The following PAPPA2 variants were observed in gnomAD, a reference collection of about 807,000 sequenced individuals.
PAPPA2 encodes the protein pappalysin-2.
In PAPPA2, 86 loss-of-function variants were observed where a neutral mutation model predicts 176.4. That is an observed-to-expected ratio of 0.49 (90% CI 0.41 to 0.58). The LOEUF (loss-of-function observed/expected upper bound fraction) is 0.58. Ranked by LOEUF, PAPPA2 falls within the 20% of genes least tolerant of loss-of-function variation. PAPPA2 has a pLI of 0.00. For synonymous variants in PAPPA2, 809 were observed against 852.2 expected, an observed-to-expected ratio of 0.95 and a Z score of 0.88; for missense variants, 2,073 against 2,256.9, an observed-to-expected ratio of 0.92 and a Z score of 1.65.
intron 14 of PAPPA2, among the ~76,000 whole-genome samples, chr1:176,753,554 CTTTTTT>C (rs77817405): frequency 9.5e-5 from 7 of 73,512 alleles, no homozygotes; most frequent in Middle Eastern, 8.8e-3. Flanking sequence ...AAGGCTCCTC[CTTTTTT>C]TTTTTTTTTT....
At chr1:176,718,732 T>A (rs1267416850) in intron 12 of PAPPA2, among the ~76,000 whole-genome samples, 1 of 151,338 alleles carries the variant, frequency 6.6e-6, no homozygotes, top group East Asian at 1.9e-4. Flanking sequence ...ATAGCTAGAG[T>A]CTTCTGTGGT....
intron 14 of PAPPA2, among the ~76,000 whole-genome samples, chr1:176,757,065 C>T (rs948349427): frequency 2.6e-5 from 4 of 152,200 alleles, no homozygotes; most frequent in African/African-American, 9.7e-5. Flanking sequence ...GCATAGTATT[C>T]CATGGTGTAT....
At chr1:176,501,641 G>A (rs1647969067) in intron 1 of PAPPA2, among the ~76,000 whole-genome samples, 2 of 152,308 alleles carry the variant, frequency 1.3e-5, no homozygotes, top group South Asian at 2.1e-4. Flanking sequence ...GGTTATGTCA[G>A]TGCAAATGGT....
At chr1:176,569,923 C>G (rs1652219266) in intron 2 of PAPPA2, among the ~76,000 whole-genome samples, 1 of 152,198 alleles carries the variant, frequency 6.6e-6, no homozygotes, top group African/African-American at 2.4e-5. Flanking sequence ...TCTACCTCAA[C>G]TCCCCCTTCC....
intron 21 of PAPPA2, among the ~76,000 whole-genome samples, chr1:176,829,403 C>T (rs1408401495): frequency 1.3e-5 from 2 of 152,210 alleles, no homozygotes; most frequent in African/African-American, 4.8e-5. Flanking sequence ...CTTCCACAGG[C>T]GGGCTCAGGG....
In PAPPA2 at chr1:176,692,207, C is replaced by T; in HGVS notation, c.2513C>T (p.Thr838Ile). The change falls in exon 6 of 23, where the codon ACT becomes ATT. Residue 838 changes from threonine to isoleucine, a missense_variant. Thr to Ile is a moderately conservative substitution (Grantham distance 89). This residue lies in a region of PAPPA2 where 1,196 missense variants were observed against 1,330.4 expected (regional missense o/e 0.90). Coordinates refer to ENST00000367662, the MANE Select transcript of PAPPA2 (RefSeq NM_020318.3). ...TTGGACCTAGTCTATCAGCAGTGGA[C>T]TGAAAGCAGAAAGCCCACCCCCATC... Reference protein sequence around the residue: ...CYLDLVYQQWTESRKPTPIPI... With the variant: ...CYLDLVYQQWIESRKPTPIPI... 6.2e-7 allele frequency: 1 copy of T among 1,614,076 alleles called. No individual in the cohort carries two copies. Among genetic ancestry groups the T allele is most frequent in the Non-Finnish European group, 8.5e-7 (1 of 1,179,942 alleles).
chr1:176,825,162 T>C (rs1666809370), intron 21 of PAPPA2, among the ~76,000 whole-genome samples: 1 of 152,238 alleles, frequency 6.6e-6, no homozygotes. Flanking sequence ...GGAAGTTCTT[T>C]GGATTGATCC....
intron 1 of PAPPA2, among the ~76,000 whole-genome samples, chr1:176,464,589 T>A (rs1343446282): frequency 6.6e-6 from 1 of 152,184 alleles, no homozygotes; most frequent in East Asian, 1.9e-4. Context: ...ATATTGGGTG[T>A]TGAGGATACA....
At chr1:176,678,593 T>C (rs1659425680) in intron 4 of PAPPA2, among the ~76,000 whole-genome samples, 1 of 152,130 alleles carries the variant, frequency 6.6e-6, no homozygotes, top group Admixed American at 6.6e-5. Flanking sequence ...TTACTATCTG[T>C]TTCTGGAAAA....
At chr1:176,502,779 T>A (rs1648037754) in intron 1 of PAPPA2, among the ~76,000 whole-genome samples, 2 of 152,176 alleles carry the variant, frequency 1.3e-5, no homozygotes, top group Non-Finnish European at 2.9e-5. Context: ...AAGTTACTTG[T>A]GTGTCTTGAT....
intron 3 of PAPPA2, among the ~76,000 whole-genome samples, chr1:176,599,750 A>G (rs937023299): frequency 1.3e-5 from 2 of 151,806 alleles, no homozygotes; most frequent in African/African-American, 4.8e-5. Flanking sequence ...TTTTAAATTC[A>G]TGACTATCAT....
chr1:176,735,132 C>A (rs950032621), intron 12 of PAPPA2, among the ~76,000 whole-genome samples: 18 of 152,032 alleles, frequency 1.2e-4, no homozygotes, highest in Non-Finnish European at 2.4e-4. Context: ...TCCTTTATAT[C>A]TTGAGGCTAC....
intron 21 of PAPPA2, among the ~76,000 whole-genome samples, chr1:176,823,579 A>T (rs919626712): frequency 2.0e-5 from 3 of 152,250 alleles, no homozygotes; most frequent in Admixed American, 1.3e-4. Flanking sequence ...TAAGTCTGGT[A>T]TAACTCTCTA....
At chr1:176,494,954 A>G (rs1647517562) in intron 1 of PAPPA2, among the ~76,000 whole-genome samples, 1 of 152,322 alleles carries the variant, frequency 6.6e-6, no homozygotes, top group Non-Finnish European at 1.5e-5. Flanking sequence ...TAGGTGAAGG[A>G]GGCTTGCACC....
chr1:176,745,330 A>G (rs1197480802), intron 14 of PAPPA2, among the ~76,000 whole-genome samples: 1 of 152,174 alleles, frequency 6.6e-6, no homozygotes, highest in African/African-American at 2.4e-5. Flanking sequence ...TACAGCAGAC[A>G]TTTTTTCAGT....
chr1:176,817,281 A>G (rs1666443747), intron 21 of PAPPA2, among the ~76,000 whole-genome samples: 1 of 152,174 alleles, frequency 6.6e-6, no homozygotes, highest in Non-Finnish European at 1.5e-5. Flanking sequence ...AGGGCACAGG[A>G]GTTTGAAAAC....
intron 2 of PAPPA2, among the ~76,000 whole-genome samples, chr1:176,564,989 C>G (rs1472775014): frequency 6.6e-6 from 1 of 152,082 alleles, no homozygotes; most frequent in Non-Finnish European, 1.5e-5. Flanking sequence ...TACTCTCTAT[C>G]TCTATAGATT....
rs558899301 is a variant in PAPPA2 at position 176,594,978 on chromosome 1, G to T, written c.1374G>T (p.Ala458=). The T allele has an allele frequency of 6.2e-7, 1 of 1,614,152 alleles. No individual in the cohort carries two copies. Among genetic ancestry groups the T allele is most frequent in the South Asian group, 1.1e-5 (1 of 91,088 alleles). Residue 458 remains alanine (A), a synonymous_variant, in exon 3 of 23, where the codon GCG becomes GCT. Coordinates refer to ENST00000367662, the MANE Select transcript of PAPPA2 (RefSeq NM_020318.3). ...EEEATDLVLT[A]SFEPVNTEWV... Reference sequence around the variant, plus strand: ...AAGCGACTGACTTGGTCCTGACAGCGAGCTTTGAGCCTGTGAACACAGAGT... The same window carrying T: ...AAGCGACTGACTTGGTCCTGACAGCTAGCTTTGAGCCTGTGAACACAGAGT...
intron 1 of PAPPA2, among the ~76,000 whole-genome samples, chr1:176,524,851 G>A (rs974551900): frequency 2.6e-5 from 4 of 151,936 alleles, no homozygotes; most frequent in Admixed American, 6.6e-5. Context: ...ATGAAACCCC[G>A]TCTCTACTAA....
Sources: allele counts gnomAD v4.1 joint callset (sites outside exome capture counted in the v4.1 genomes callset), GRCh38; gene constraint gnomAD v4.1.1; regional missense constraint gnomAD v4.1.1; transcripts MANE v1.5; gene names NCBI Gene and HGNC (gene_info 2026-07-23, HGNC 2026-07-21).